CTSH: variants seen among roughly 807,000 people sequenced by gnomAD.
The protein encoded by CTSH is cathepsin H.
CTSH carries 52 observed loss-of-function variants against 56.3 expected under a neutral mutation model. That is an observed-to-expected ratio of 0.92 (90% confidence interval 0.74 to 1.16). The LOEUF is 1.16. CTSH is among the 50% of genes most tolerant of loss of function. CTSH has a pLI of 0.00. For missense variants in CTSH, 406 were observed against 424.5 expected (o/e 0.96, Z 0.38); for synonymous variants, 174 against 155.7 (o/e 1.12, Z -0.88).
At chr15:78,931,191 G>C (rs906637070) in intron 7 of CTSH, among the ~76,000 whole-genome samples, 1 of 152,130 alleles carries the variant, frequency 6.6e-6, no homozygotes, top group African/African-American at 2.4e-5. Context: ...TTGGTGGCGG[G>C]TGAGGCCAAC....
chr15:78,926,699 T>C (rs913690068), intron 9 of CTSH: 3 of 152,198 alleles, frequency 2.0e-5, no homozygotes, highest in African/African-American at 7.2e-5. Flanking sequence ...AATGACACAT[T>C]CTTAGTTCAA....
chr15:78,928,348 C>T (rs889007388), intron 8 of CTSH, among the ~76,000 whole-genome samples: 4 of 123,890 alleles, frequency 3.2e-5, no homozygotes, highest in African/African-American at 2.9e-5. Context: ...CGGTAGATCA[C>T]GAGGCCAGGA....
At chr15:78,942,479 C>CT (rs1419433248) in intron 1 of CTSH, among the ~76,000 whole-genome samples, 2 of 152,192 alleles carry the variant, frequency 1.3e-5, no homozygotes, top group African/African-American at 4.8e-5. Flanking sequence ...TACCAAAGTG[C>CT]TGGGATCACA....
chr15:78,921,071 T>C lies in CTSH; in HGVS notation c.*1059A>G, dbSNP rs903184575. ...ATGTTACTAGAATTTTCTAATAAAT[T>C]AAACTATATTTGCATTATCTAAATA... is the stretch of plus-strand genomic sequence containing the variant. On this transcript the variant is annotated 3_prime_UTR_variant, in exon 12 of 12. Transcript: ENST00000220166. The C allele has an allele frequency of 3.3e-5, 5 of 152,184 alleles. No individual in the cohort carries two copies. Among genetic ancestry groups the C allele is most frequent in the African/African-American group, 9.7e-5 (4 of 41,448 alleles). 9.4% of individuals were successfully genotyped at this position (152,184 alleles called of 1,614,324 possible).
intron 6 of CTSH, 25 bp downstream of exon 6, chr15:78,932,347 G>A (rs1300859421): frequency 6.2e-7 from 1 of 1,605,938 alleles, no homozygotes; most frequent in East Asian, 2.2e-5. Context: ...CCTCCGCAGG[G>A]GGTCGCCTGT....
At chr15:78,940,537 C>CAA (rs10555725) in intron 1 of CTSH, among the ~76,000 whole-genome samples, 1 of 138,008 alleles carries the variant, frequency 7.2e-6, no homozygotes, top group Non-Finnish European at 1.6e-5. Context: ...GACCTTGTCT[C>CAA]AAAAAAAAAA....
chr15:78,944,812 G>C (rs1250094347), intron 1 of CTSH, 79 bp downstream of exon 1: 1 of 1,468,392 alleles, frequency 6.8e-7, no homozygotes, highest in South Asian at 1.3e-5. Context: ...CCGGAGCCCA[G>C]TGCGCCCCTG....
At chr15:78,931,065 G>A (rs1263237516) in intron 7 of CTSH, among the ~76,000 whole-genome samples, 1 of 152,168 alleles carries the variant, frequency 6.6e-6, no homozygotes, top group African/African-American at 2.4e-5. Context: ...TGGGACTTTA[G>A]TGAGTTCATC....
chr15:78,936,180 C>CT lies in CTSH; in HGVS notation c.230-431dup, dbSNP rs66819363. Among the ~76,000 whole-genome samples, 640 of 90,832 alleles carry CT rather than the reference C, an allele frequency of 7.0e-3. 20 individuals are homozygous for CT. Among genetic ancestry groups the CT allele is most frequent in the African/African-American group, 0.021 (546 of 26,266 alleles). 59.6% of individuals were successfully genotyped at this position (90,832 alleles called of 152,430 possible). A position where few individuals can be genotyped will look rare whatever the true frequency, so the allele number is the denominator to read the frequency against. ...TCATTTCTGCTTTTTCTTTTCTTTT[C>CT]TTTTTTTTTTTTTTTTTTTTGAGAC... is the stretch of plus-strand genomic sequence containing the variant. On this transcript the variant is annotated intron_variant, in intron 3 of 11. Coordinates refer to ENST00000220166, the MANE Select transcript of CTSH (RefSeq NM_004390.5).
intron 7 of CTSH, among the ~76,000 whole-genome samples, chr15:78,929,837 G>T (rs2141531744): frequency 6.6e-6 from 1 of 152,314 alleles, no homozygotes; most frequent in East Asian, 1.9e-4. Flanking sequence ...GTGCTTCCCA[G>T]GCATGACTCC....
chr15:78,943,577 C>G (rs1567384393), intron 1 of CTSH, among the ~76,000 whole-genome samples: 1 of 152,168 alleles, frequency 6.6e-6, no homozygotes, highest in African/African-American at 2.4e-5. Flanking sequence ...CGGTTTCTTA[C>G]AATTTTAAAT....
chr15:78,937,549 G>T, intron 2 of CTSH, 126 bp from the exon 3 acceptor site: 2 of 1,336,730 alleles, frequency 1.5e-6, no homozygotes, highest in Non-Finnish European at 1.0e-6. Context: ...GGCCAAATCT[G>T]TGTTAATGGG....
intron 10 of CTSH, among the ~76,000 whole-genome samples, chr15:78,924,450 G>A (rs2054856448): frequency 6.6e-6 from 1 of 152,094 alleles, no homozygotes; most frequent in Admixed American, 6.5e-5. Context: ...GGAGGGAGAG[G>A]AGAGCACAGA....
chr15:78,923,740 G>A (rs1274626855), intron 10 of CTSH, among the ~76,000 whole-genome samples: 2 of 152,208 alleles, frequency 1.3e-5, no homozygotes, highest in Non-Finnish European at 2.9e-5. Context: ...GTGTCTGGCA[G>A]ACTTTAACAC....
At chr15:78,938,359 A>G (rs2055220012) in intron 2 of CTSH, among the ~76,000 whole-genome samples, 2 of 149,554 alleles carry the variant, frequency 1.3e-5, no homozygotes, top group South Asian at 4.2e-4. Context: ...ACAAAGTGAG[A>G]CTCTGTCTCA....
chr15:78,925,269 G>C, intron 10 of CTSH, 65 bp downstream of exon 10: 2 of 1,003,246 alleles, frequency 2.0e-6, no homozygotes, highest in East Asian at 4.9e-5. Flanking sequence ...CCCACGAGTG[G>C]GGTGTGAGGA....
chr15:78,930,566 AAAT>A (rs2055032901), intron 7 of CTSH, among the ~76,000 whole-genome samples: 3 of 143,952 alleles, frequency 2.1e-5, no homozygotes, highest in Admixed American at 6.9e-5. Flanking sequence ...ATAAATAAAT[AAAT>A]AAAAAATAAA....
intron 2 of CTSH, chr15:78,937,870 C>CT (rs34260652): frequency 3.4e-6 from 4 of 1,176,216 alleles, no homozygotes; most frequent in Admixed American, 2.4e-5. Flanking sequence ...AACTGATGTA[C>CT]TTTTTTTGGT....
rs35398112 is a variant in CTSH, at chr15:78,939,181, GA to G, written c.92-11del. 9.8e-5 allele frequency: 137 copies of G among 1,394,146 alleles called. No individual in the cohort carries two copies. Among genetic ancestry groups the G allele is most frequent in the Admixed American group, 3.9e-4 (20 of 51,454 alleles). The allele number at this position is 1,394,146 out of a possible 1,614,324, so 86.4% of individuals were successfully genotyped here. A position where few individuals can be genotyped will look rare whatever the true frequency, so the allele number is the denominator to read the frequency against. On this transcript the variant is annotated splice_polypyrimidine_tract_variant and intron_variant, in intron 1 of 11. Coordinates refer to ENST00000220166, the MANE Select transcript of CTSH (RefSeq NM_004390.5). ...TTGAAGTGAAACTTCTCTGTAAAAA[GA>G]AAAAAAAAATTAGGTCTGGGCGCAT... is the stretch of plus-strand genomic sequence containing the variant.
Sources: allele counts gnomAD v4.1 joint callset (sites outside exome capture counted in the v4.1 genomes callset), GRCh38; gene constraint gnomAD v4.1.1; transcripts MANE v1.5; gene names NCBI Gene and HGNC (gene_info 2026-07-23, HGNC 2026-07-21).